The following ZNF652 variants were observed in gnomAD, a reference collection of about 807,000 sequenced individuals.
ZNF652 encodes the protein zinc finger protein 652.
ZNF652 carries 16 observed loss-of-function variants against 45.2 expected under a neutral mutation model. That is an observed-to-expected ratio of 0.35 (90% CI 0.24 to 0.54). ZNF652 has a LOEUF of 0.54. Among genes scored for constraint, ZNF652 ranks in the 20% least tolerant of loss-of-function variants. The pLI is 0.91. For missense variants in ZNF652, 614 were observed against 765.6 expected, an observed-to-expected ratio of 0.80 and a Z score of 2.34; for synonymous variants, 250 against 260.6, an observed-to-expected ratio of 0.96 and a Z score of 0.39.
rs1450634065 is a variant in ZNF652 at position 49,298,409 on chromosome 17, G to C, written c.*4C>G. On this transcript the variant is annotated 3_prime_UTR_variant, in exon 6 of 6. Coordinates refer to ENST00000430262, the MANE Select transcript of ZNF652 (RefSeq NM_001145365.3). ...TCCTGGAGAACACACTAAGGAGACG[G>C]ATGTTAATGATGCTGTGCTGAACTG... 3 of 1,612,300 alleles carry C rather than the reference G, an allele frequency of 1.9e-6. No individual in the cohort carries two copies. In the African/African-American group the frequency reaches 4.0e-5, roughly 22 times the overall value.
chr17:49,358,028 T>A lies in ZNF652; in HGVS notation c.-259+3881A>T, dbSNP rs910126849. 2.0e-5 allele frequency among the ~76,000 whole-genome samples: 3 copies of A among 152,220 alleles called. No individual in the cohort carries two copies. In the East Asian group the frequency reaches 5.8e-4, roughly 29 times the overall value. On this transcript the variant is annotated intron_variant, in intron 1 of 5. Coordinates refer to ENST00000430262, the MANE Select transcript of ZNF652 (RefSeq NM_001145365.3). Reference sequence around the variant, plus strand: ...AATGATCTGTAGTTTTACTCCAACATGCTCCATATCCTAACATGTATTGAG... The same window carrying A: ...AATGATCTGTAGTTTTACTCCAACAAGCTCCATATCCTAACATGTATTGAG...
intron 1 of ZNF652, among the ~76,000 whole-genome samples, chr17:49,350,496 G>A (rs553047541): frequency 4.1e-5 from 6 of 148,134 alleles, no homozygotes; most frequent in African/African-American, 1.0e-4. Context: ...CCGAGATCGC[G>A]CCACTGCACT....
At chr17:49,301,025 G>A (rs768531546) in intron 5 of ZNF652, among the ~76,000 whole-genome samples, 6 of 152,150 alleles carry the variant, frequency 3.9e-5, no homozygotes, top group Non-Finnish European at 8.8e-5. Flanking sequence ...CTGCACACAT[G>A]AAGGGATGTA....
At chr17:49,310,681 C>G (rs1294517972) in intron 5 of ZNF652, among the ~76,000 whole-genome samples, 1 of 152,136 alleles carries the variant, frequency 6.6e-6, no homozygotes, top group Non-Finnish European at 1.5e-5. Flanking sequence ...GCAGGCAGAT[C>G]GCTTGAGCCC....
rs2069384474 is a variant in ZNF652, at chr17:49,290,096, T to C, written c.*8317A>G. ...CCAATCACAGCTTCAGTTTTGTTTT[T>C]TGTCAAGTGTTGGAGTTACAAGTAG... On this transcript the variant is annotated 3_prime_UTR_variant, in exon 6 of 6. Coordinates refer to ENST00000430262, the MANE Select transcript of ZNF652 (RefSeq NM_001145365.3). The C allele has an allele frequency of 1.3e-5, 2 of 152,238 alleles. No homozygotes were observed. Among genetic ancestry groups the C allele is most frequent in the Non-Finnish European group, 2.9e-5 (2 of 68,054 alleles). 9.4% of individuals were successfully genotyped at this position (152,238 alleles called of 1,614,324 possible). A position where few individuals can be genotyped will look rare whatever the true frequency, so the allele number is the denominator to read the frequency against.
chr17:49,313,595 T>C (rs2069749382), intron 2 of ZNF652, among the ~76,000 whole-genome samples: 1 of 152,178 alleles, frequency 6.6e-6, no homozygotes, highest in African/African-American at 2.4e-5. Context: ...ATTAGTGTAA[T>C]AAAAACAAGA....
intron 1 of ZNF652, among the ~76,000 whole-genome samples, chr17:49,323,156 A>G (rs1021073221): frequency 2.2e-4 from 33 of 152,232 alleles, no homozygotes; most frequent in Non-Finnish European, 1.0e-4. Flanking sequence ...ACTTCTTTCA[A>G]AATTGGAGTC....
intron 1 of ZNF652, among the ~76,000 whole-genome samples, chr17:49,354,553 G>A (rs546931557): frequency 4.0e-5 from 6 of 150,514 alleles, no homozygotes; most frequent in Non-Finnish European, 8.9e-5. Context: ...AGAGGCTGCA[G>A]TGAGCCGAGA....
intron 1 of ZNF652, among the ~76,000 whole-genome samples, chr17:49,343,351 A>G (rs2070169147): frequency 6.6e-6 from 1 of 152,242 alleles, no homozygotes; most frequent in Non-Finnish European, 1.5e-5. Context: ...TTTAGGATAT[A>G]AGATAAATCC....
In ZNF652 at chr17:49,298,408, G is replaced by A. The variant is rs199547687; in HGVS notation, c.*5C>T. ...CTCCTGGAGAACACACTAAGGAGAC[G>A]GATGTTAATGATGCTGTGCTGAACT... is the stretch of plus-strand genomic sequence containing the variant. On this transcript the variant is annotated 3_prime_UTR_variant, in exon 6 of 6. Coordinates refer to ENST00000430262, the MANE Select transcript of ZNF652 (RefSeq NM_001145365.3). The A allele has an allele frequency of 3.0e-5, 49 of 1,612,246 alleles. No individual in the cohort carries two copies. Among genetic ancestry groups the A allele is most frequent in the Non-Finnish European group, 4.0e-5 (47 of 1,180,008 alleles).
At position 49,317,112 on chromosome 17, in the gene ZNF652, G is replaced by C; in HGVS notation, c.614C>G (p.Pro205Arg). 3 of 1,614,086 alleles carry C rather than the reference G, an allele frequency of 1.9e-6. No individual in the cohort carries two copies. Among genetic ancestry groups the C allele is most frequent in the South Asian group, 1.1e-5 (1 of 91,080 alleles). ...ACGACCTCTTGTAGTTCTGGGAGTAGGGGAAGTGGTAGCTGCGGCAACAGA... is the reference window on the plus strand; with the variant it reads ...ACGACCTCTTGTAGTTCTGGGAGTACGGGAAGTGGTAGCTGCGGCAACAGA... ...AASVAAATTS[P>R]TPRTTRGRRK... The change falls in exon 2 of 6, where the codon CCT becomes CGT. Residue 205 changes from proline (P) to arginine (R), a missense_variant. This residue lies in a region of ZNF652 where 262 missense variants were observed against 306.3 expected (regional missense o/e 0.86). Coordinates refer to ENST00000430262, the MANE Select transcript of ZNF652 (RefSeq NM_001145365.3).
intron 1 of ZNF652, among the ~76,000 whole-genome samples, chr17:49,338,830 G>T (rs1024162778): frequency 6.6e-6 from 1 of 151,964 alleles, no homozygotes; most frequent in Non-Finnish European, 1.5e-5. Flanking sequence ...GAGAAGAAAA[G>T]GATAACAATG....
At chr17:49,321,119 G>T (rs141595555) in intron 1 of ZNF652, among the ~76,000 whole-genome samples, 8 of 152,324 alleles carry the variant, frequency 5.3e-5, no homozygotes, top group African/African-American at 1.9e-4. Context: ...ACAGAGAGAG[G>T]CAGGGCATTT....
At chr17:49,325,416 TTA>T (rs2069946314) in intron 1 of ZNF652, among the ~76,000 whole-genome samples, 1 of 152,146 alleles carries the variant, frequency 6.6e-6, no homozygotes, top group African/African-American at 2.4e-5. Context: ...CCCAAAACAA[TTA>T]TAACAGTAAC....
intron 1 of ZNF652, among the ~76,000 whole-genome samples, chr17:49,344,541 GAC>G (rs2070184588): frequency 9.1e-6 from 1 of 109,296 alleles, no homozygotes; most frequent in African/African-American, 3.7e-5. Context: ...TTTTTTTTGA[GAC>G]AGAGTCTTGC....
chr17:49,354,920 T>G (rs1439281283), intron 1 of ZNF652, among the ~76,000 whole-genome samples: 1 of 151,982 alleles, frequency 6.6e-6, no homozygotes. Flanking sequence ...GAGATGGGGT[T>G]TCTCCATGTT....
chr17:49,334,185 A>G (rs888159185), intron 1 of ZNF652, among the ~76,000 whole-genome samples: 6 of 152,342 alleles, frequency 3.9e-5, no homozygotes, highest in African/African-American at 1.4e-4. Context: ...ATCTGCTATA[A>G]AAAGGAATGA....
chr17:49,350,874 G>A (rs183808911), intron 1 of ZNF652, among the ~76,000 whole-genome samples: 41 of 150,560 alleles, frequency 2.7e-4, no homozygotes, highest in Admixed American at 5.3e-4. Context: ...GGAAGCTGGG[G>A]TAGGAGAATT....
chr17:49,353,169 T>A (rs1482414766), intron 1 of ZNF652, among the ~76,000 whole-genome samples: 3 of 152,178 alleles, frequency 2.0e-5, no homozygotes, highest in Admixed American at 6.5e-5. Flanking sequence ...AAGCCAGAAG[T>A]ACCTATAAAT....
Sources: gnomAD v4.1 joint callset for allele counts (sites outside exome capture counted in the v4.1 genomes callset) on GRCh38, gnomAD v4.1.1 for gene constraint, gnomAD v4.1.1 regional missense constraint, MANE v1.5 for transcripts, NCBI Gene and HGNC (gene_info 2026-07-23, HGNC 2026-07-21) for gene names.